The following ODAD2 variants were observed in gnomAD, a reference collection of about 807,000 sequenced individuals.
The protein encoded by ODAD2 is outer dynein arm-docking complex subunit 2.
A neutral mutation model predicts 106.8 loss-of-function variants in ODAD2; 89 were observed. The ratio of observed to expected loss-of-function variants is 0.83; its 90% CI spans 0.70 to 0.99. ODAD2 has a LOEUF of 0.99. Among genes scored for constraint, ODAD2 ranks in the 50% least tolerant of loss-of-function variants. The pLI, the probability that ODAD2 is intolerant of heterozygous loss-of-function variation, is 0.00. For synonymous variants in ODAD2, 404 were observed against 436.2 expected (o/e 0.93, Z 0.92); for missense variants, 1,168 against 1,238.5 (o/e 0.94, Z 0.85).
intron 17 of ODAD2, among the ~76,000 whole-genome samples, chr10:27,899,623 G>T (rs1843063077): frequency 6.6e-6 from 1 of 151,114 alleles, no homozygotes; most frequent in African/African-American, 2.4e-5. Flanking sequence ...CTCAAGCTTG[G>T]TGGGGGAGGG....
intron 19 of ODAD2, among the ~76,000 whole-genome samples, chr10:27,848,436 G>A (rs1381731268): frequency 6.6e-6 from 1 of 152,124 alleles, no homozygotes; most frequent in African/African-American, 2.4e-5. Context: ...ATGGATTAAA[G>A]ACCTAAAACC....
chr10:27,998,132 G>C (rs1287330173), intron 1 of ODAD2, among the ~76,000 whole-genome samples: 1 of 152,150 alleles, frequency 6.6e-6, no homozygotes, highest in African/African-American at 2.4e-5. Flanking sequence ...TCTTTAGGGG[G>C]CTACGGAAAG....
chr10:27,956,597 G>A (rs1365348104), intron 10 of ODAD2, among the ~76,000 whole-genome samples: 2 of 152,138 alleles, frequency 1.3e-5, no homozygotes, highest in Admixed American at 1.3e-4. Context: ...CATAATTCTA[G>A]GCCCAGCCTC....
rs530661127 is a variant in ODAD2 at position 27,991,652 on chromosome 10, G to A, written c.224+3267C>T. ...TTATCTACTTCGGCAGAATTTCAGC[G>A]TAGATAAAACTTAACTTGTTTTGGA... is the stretch of plus-strand genomic sequence containing the variant. On this transcript the variant is annotated intron_variant, in intron 2 of 19. Coordinates refer to ENST00000305242, the MANE Select transcript of ODAD2 (RefSeq NM_018076.5). 2.0e-4 allele frequency among the ~76,000 whole-genome samples: 31 copies of A among 152,226 alleles called. 1 individual carries two copies. The South Asian group carries it at 5.2e-3, about 26-fold the overall frequency.
At chr10:27,874,372 T>C (rs766485421) in intron 17 of ODAD2, among the ~76,000 whole-genome samples, 3 of 152,190 alleles carry the variant, frequency 2.0e-5, no homozygotes, top group Admixed American at 6.5e-5. Flanking sequence ...GTTAATATTG[T>C]TATGTGTGAT....
chr10:27,888,346 T>G (rs1842364848), intron 17 of ODAD2, among the ~76,000 whole-genome samples: 1 of 152,162 alleles, frequency 6.6e-6, no homozygotes, highest in Non-Finnish European at 1.5e-5. Context: ...TGTTTTACTT[T>G]TTAATAATAG....
intron 10 of ODAD2, among the ~76,000 whole-genome samples, chr10:27,951,307 A>T (rs372852340): frequency 6.6e-6 from 1 of 152,220 alleles, no homozygotes; most frequent in Admixed American, 6.5e-5. Flanking sequence ...TCCAAAAAAT[A>T]AGTTTTAAAA....
intron 17 of ODAD2, among the ~76,000 whole-genome samples, chr10:27,878,639 T>C (rs1841505109): frequency 1.3e-5 from 2 of 152,110 alleles, no homozygotes; most frequent in African/African-American, 4.8e-5. Context: ...GCACATCACA[T>C]ACAAACTTTT....
At chr10:27,885,639 T>A (rs1564465748) in intron 17 of ODAD2, among the ~76,000 whole-genome samples, 2 of 63,442 alleles carry the variant, frequency 3.2e-5, no homozygotes, top group East Asian at 4.6e-4. Flanking sequence ...AAAATATATA[T>A]TATATATATT....
intron 16 of ODAD2, among the ~76,000 whole-genome samples, chr10:27,921,342 T>C (rs1216313222): frequency 2.0e-5 from 3 of 151,904 alleles, no homozygotes; most frequent in African/African-American, 7.2e-5. Flanking sequence ...TTTAACTCTT[T>C]TATAGGCAGG....
chr10:27,913,491 A>G (rs1844150488), intron 16 of ODAD2, among the ~76,000 whole-genome samples: 1 of 152,196 alleles, frequency 6.6e-6, no homozygotes, highest in Non-Finnish European at 1.5e-5. Context: ...ATTAGACTTA[A>G]TTGAACTGAA....
chr10:27,901,285 G>A (rs1277196270), intron 17 of ODAD2, among the ~76,000 whole-genome samples: 1 of 152,102 alleles, frequency 6.6e-6, no homozygotes, highest in Non-Finnish European at 1.5e-5. Flanking sequence ...TCACCACTAG[G>A]ACTGCCTTAT....
chr10:27,935,510 A>G (rs1845907712), intron 15 of ODAD2, among the ~76,000 whole-genome samples: 1 of 152,154 alleles, frequency 6.6e-6, no homozygotes, highest in Non-Finnish European at 1.5e-5. Context: ...AGGATCTAAG[A>G]TTCCACTCTA....
At chr10:27,836,674 A>G (rs1050335313) in intron 19 of ODAD2, among the ~76,000 whole-genome samples, 1 of 152,200 alleles carries the variant, frequency 6.6e-6, no homozygotes, top group Non-Finnish European at 1.5e-5. Context: ...TGACTCTCAA[A>G]TCATTAGTTT....
intron 6 of ODAD2, among the ~76,000 whole-genome samples, chr10:27,982,984 G>A (rs11814132): frequency 0.032 from 4,835 of 152,252 alleles, 283 homozygotes; most frequent in African/African-American, 0.11. Context: ...ATTAGGCTCC[G>A]TCATTAGAAT....
At chr10:27,907,804 T>A in intron 16 of ODAD2, 27 bp from the exon 17 acceptor site, 2 of 1,402,056 alleles carry the variant, frequency 1.4e-6, no homozygotes, top group Non-Finnish European at 2.0e-6. Context: ...AATCATGATA[T>A]AAACTGTCAT....
rs547274221 is a variant in ODAD2 at position 27,860,681 on chromosome 10, G to A, written c.2965C>T (p.Gln989Ter). 6.2e-7 allele frequency: 1 copy of A among 1,614,122 alleles called. No individual in the cohort carries two copies. Among genetic ancestry groups the A allele is most frequent in the Non-Finnish European group, 8.5e-7 (1 of 1,180,032 alleles). Residue 989 changes from glutamine to a stop codon, truncating the protein, a stop_gained, in exon 19 of 20, where the codon CAA (glutamine) becomes TAA (stop). Transcript: ENST00000305242. LOFTEE classifies it high-confidence loss of function. ...CAGTTATCGGCGTCTTCTGAGAGTT[G>A]GTACAAGGCCTGAGCTGTCGCCCGA... ...VHRATAQALY[Q>*]LSEDADNCIT... is the part of the protein sequence containing the mutation.
At chr10:27,912,651 T>G (rs553855077) in intron 16 of ODAD2, among the ~76,000 whole-genome samples, 1 of 152,288 alleles carries the variant, frequency 6.6e-6, no homozygotes, top group East Asian at 1.9e-4. Context: ...TTCTAAAAAC[T>G]TCACAGTATT....
rs1023745088 is a variant in ODAD2, at chr10:27,931,377, A to C, written c.2495+3633T>G. ...TGTAGGTTTCATGCCATTAACCAGAAGTCAAGCCACTCATAAAACTCCACA... is the reference window on the plus strand; with the variant it reads ...TGTAGGTTTCATGCCATTAACCAGACGTCAAGCCACTCATAAAACTCCACA... On this transcript the variant is annotated intron_variant, in intron 16 of 19. Coordinates refer to ENST00000305242, the MANE Select transcript of ODAD2 (RefSeq NM_018076.5). Among the ~76,000 whole-genome samples the C allele has an allele frequency of 2.0e-5, 3 of 152,228 alleles. 1 individual carries two copies. In the East Asian group the frequency reaches 5.8e-4, roughly 29 times the overall value.
Sources: allele counts gnomAD v4.1 joint callset (sites outside exome capture counted in the v4.1 genomes callset), GRCh38; gene constraint gnomAD v4.1.1; transcripts MANE v1.5; gene names NCBI Gene and HGNC (gene_info 2026-07-23, HGNC 2026-07-21).